The following ZNF90 variants were observed in gnomAD, a reference collection of about 807,000 sequenced individuals.
The protein encoded by ZNF90 is zinc finger protein 90, also known as zinc finger protein HTF9.
In ZNF90, 11 loss-of-function variants were observed where a neutral mutation model predicts 12.0. The observed-to-expected ratio is 0.92, with a 90% CI of 0.58 to 1.52. The LOEUF is 1.52. Ranked by LOEUF, ZNF90 falls within the 40% of genes most tolerant of loss-of-function variation. The pLI, the probability that ZNF90 is intolerant of heterozygous loss-of-function variation, is 0.00. For synonymous variants in ZNF90, 232 were observed against 240.1 expected, an observed-to-expected ratio of 0.97 and a Z score of 0.31; for missense variants, 765 against 711.5, an observed-to-expected ratio of 1.08 and a Z score of -0.86.
chr19:20,119,316 A>T lies in ZNF90; in HGVS notation c.1762A>T (p.Ile588Phe). 6.2e-7 allele frequency: 1 copy of T among 1,607,150 alleles called. No individual in the cohort carries two copies. The highest frequency in any genetic ancestry group is 1.1e-5 in the South Asian group (1 of 90,310). The change falls in exon 4 of 4, where the codon ATT becomes TTT. Residue 588 changes from isoleucine to phenylalanine, a missense_variant. Ile to Phe is a conservative substitution (Grantham distance 21). Transcript: ENST00000418063. Reference protein sequence around the residue: ...SDLNTHKRIHIGQKAYIVKNM... With the variant: ...SDLNTHKRIHFGQKAYIVKNM... ...CCTTAATACACATAAGAGGATTCAT[A>T]TTGGACAGAAAGCCTACATAGTGAA... is the stretch of plus-strand genomic sequence containing the variant.
chr19:20,118,175 C>A lies in ZNF90; in HGVS notation c.621C>A (p.Gly207=). 6.2e-7 allele frequency: 1 copy of A among 1,612,904 alleles called. No individual in the cohort carries two copies. The highest frequency in any genetic ancestry group is 8.5e-7 in the Non-Finnish European group (1 of 1,179,356). ...GEITCKCEEC[G]KAFNRSSHLT... is the part of the protein sequence containing the mutation. ...TAACCTGCAAATGTGAAGAATGTGGCAAAGCCTTCAACAGGTCCTCACACC... is the reference window on the plus strand; with the variant it reads ...TAACCTGCAAATGTGAAGAATGTGGAAAAGCCTTCAACAGGTCCTCACACC... The change falls in exon 4 of 4, where the codon GGC becomes GGA. Residue 207 remains glycine (G), a synonymous_variant. Transcript: ENST00000418063.
chr19:20,078,247 C>A, intron 1 of ZNF90, 112 bp downstream of exon 1: 3 of 1,402,278 alleles, frequency 2.1e-6, no homozygotes, highest in Non-Finnish European at 3.0e-6. Context: ...AATCTGCGAC[C>A]GACTTCTCCT....
Position 20,093,494 on chromosome 19 carries a change from G to A in ZNF90, c.4-10745G>A, listed in dbSNP as rs111569717. On this transcript the variant is annotated intron_variant, in intron 1 of 3. Coordinates refer to ENST00000418063, the MANE Select transcript of ZNF90 (RefSeq NM_007138.2). ...GTGGGGGGATATGAGAGGAAGATGC[G>A]AAGGAGGCTTTTGGTTGGGGAGAAG... Among the ~76,000 whole-genome samples the A allele has an allele frequency of 4.2e-3, 637 of 152,214 alleles. 6 individuals are homozygous for A. Among genetic ancestry groups the A allele is most frequent in the African/African-American group, 0.015 (608 of 41,534 alleles).
chr19:20,079,950 T>G (rs1323326932), intron 1 of ZNF90: 2 of 391,646 alleles, frequency 5.1e-6, no homozygotes, highest in Non-Finnish European at 9.8e-6. Context: ...TTTTTTTTTT[T>G]TTGAGATGAA....
At chr19:20,103,224 G>C (rs554879541) in intron 1 of ZNF90, among the ~76,000 whole-genome samples, 2 of 152,304 alleles carry the variant, frequency 1.3e-5, no homozygotes, top group Non-Finnish European at 1.5e-5. Context: ...TGTGGAGGTC[G>C]AAAGGACAGG....
chr19:20,081,719 T>A (rs1462153481), intron 1 of ZNF90, among the ~76,000 whole-genome samples: 1 of 152,146 alleles, frequency 6.6e-6, no homozygotes, highest in Non-Finnish European at 1.5e-5. Context: ...TTCATCTACA[T>A]TGCAGTCTTT....
In ZNF90 at chr19:20,118,763, C is replaced by T; in HGVS notation, c.1209C>T (p.Gly403=). The T allele has an allele frequency of 6.2e-7, 1 of 1,608,368 alleles. No individual in the cohort carries two copies. Among genetic ancestry groups the T allele is most frequent in the Non-Finnish European group, 8.5e-7 (1 of 1,177,272 alleles). The change falls in exon 4 of 4, where the codon GGC becomes GGT. Residue 403 remains glycine (G), a synonymous_variant. Coordinates refer to ENST00000418063, the MANE Select transcript of ZNF90 (RefSeq NM_007138.2). Reference sequence around the variant, plus strand: ...AACCCTACAAATGTGAAGAATGTGGCAAAGCCTTCAAGCGCTCCTCAACAC... The same window carrying T: ...AACCCTACAAATGTGAAGAATGTGGTAAAGCCTTCAAGCGCTCCTCAACAC... ...EKKPYKCEEC[G]KAFKRSSTLT...
intron 1 of ZNF90, among the ~76,000 whole-genome samples, chr19:20,085,907 C>T (rs1555701981): frequency 6.6e-6 from 1 of 151,682 alleles, no homozygotes; most frequent in Non-Finnish European, 1.5e-5. Context: ...CATTTTTAGT[C>T]CTTTAGACAG....
At chr19:20,095,525 G>A (rs1555703159) in intron 1 of ZNF90, among the ~76,000 whole-genome samples, 2 of 152,004 alleles carry the variant, frequency 1.3e-5, no homozygotes. Flanking sequence ...ACGGAGGGAA[G>A]GGGTTCGGAG....
chr19:20,084,731 C>T (rs533407520), intron 1 of ZNF90, among the ~76,000 whole-genome samples: 1 of 152,284 alleles, frequency 6.6e-6, no homozygotes, highest in East Asian at 1.9e-4. Context: ...TTTAATTTCT[C>T]TAATGATTAG....
intron 1 of ZNF90, among the ~76,000 whole-genome samples, chr19:20,084,842 G>T (rs566997305): frequency 3.3e-5 from 5 of 152,148 alleles, no homozygotes; most frequent in African/African-American, 9.6e-5. Context: ...AGGTTGTTCG[G>T]TTTTTTCTTG....
At chr19:20,116,834 T>C (rs1488072475) in intron 3 of ZNF90, among the ~76,000 whole-genome samples, 1 of 152,140 alleles carries the variant, frequency 6.6e-6, no homozygotes, top group Non-Finnish European at 1.5e-5. Context: ...TCTCTAACAT[T>C]TATCTTTAGA....
chr19:20,107,032 A>G (rs2089045507), intron 3 of ZNF90: 1 of 454,130 alleles, frequency 2.2e-6, no homozygotes, highest in African/African-American at 2.0e-5. Flanking sequence ...TGGGCCTTGT[A>G]TCAGGATGTG....
chr19:20,119,375 C>T lies in ZNF90; in HGVS notation c.*15C>T, dbSNP rs1267991823. ...CAAATCTTTGAAATATTCCTCAACC[C>T]TTAATAAACATAAGATAATTCATAC... On this transcript the variant is annotated 3_prime_UTR_variant, in exon 4 of 4. Coordinates refer to ENST00000418063, the MANE Select transcript of ZNF90 (RefSeq NM_007138.2). 6.4e-7 allele frequency: 1 copy of T among 1,552,214 alleles called. No individual in the cohort carries two copies. The highest frequency in any genetic ancestry group is 8.7e-7 in the Non-Finnish European group (1 of 1,148,006).
chr19:20,089,695 A>G (rs148998450), intron 1 of ZNF90, among the ~76,000 whole-genome samples: 2,260 of 152,232 alleles, frequency 0.015, 51 homozygotes, highest in African/African-American at 0.052. Flanking sequence ...TGTCTGGGGA[A>G]GTCTTGCTGG....
intron 1 of ZNF90, chr19:20,087,026 C>T (rs1179493378): frequency 1.3e-5 from 2 of 152,168 alleles, no homozygotes; most frequent in East Asian, 3.8e-4. Context: ...AAAAGTGTTG[C>T]TTGAAGTTGT....
chr19:20,108,346 C>G (rs1322992766), intron 3 of ZNF90, among the ~76,000 whole-genome samples: 3 of 152,188 alleles, frequency 2.0e-5, no homozygotes, highest in Non-Finnish European at 4.4e-5. Context: ...GTTACTCTCT[C>G]TCACCCAGGT....
rs1297582554 is a variant in ZNF90 at position 20,080,145 on chromosome 19, TGCAAGAATTGCAGGTCA to T, written c.3+2022_3+2038del. 8.4e-5 allele frequency: 35 copies of T among 415,826 alleles called. 1 individual carries two copies. Among genetic ancestry groups the T allele is most frequent in the South Asian group, 6.5e-4 (33 of 51,104 alleles). 25.8% of individuals were successfully genotyped at this position (415,826 alleles called of 1,614,324 possible). A position where few individuals can be genotyped will look rare whatever the true frequency, so the allele number is the denominator to read the frequency against. On this transcript the variant is annotated intron_variant, in intron 1 of 3. Coordinates refer to ENST00000418063, the MANE Select transcript of ZNF90 (RefSeq NM_007138.2). ...AGACAGAGTTTCTCCATGTTGAGGC[TGCAAGAATTGCAGGTCA>T]GCAAGAATTGCTGCCCAGGGGCAGC...
chr19:20,081,400 G>T (rs916629162), intron 1 of ZNF90, among the ~76,000 whole-genome samples: 2 of 152,078 alleles, frequency 1.3e-5, no homozygotes, highest in Middle Eastern at 6.8e-3. Flanking sequence ...TGTTGGCCAC[G>T]CTGGTCTCAA....
Sources: allele counts gnomAD v4.1 joint callset (sites outside exome capture counted in the v4.1 genomes callset), GRCh38; gene constraint gnomAD v4.1.1; transcripts MANE v1.5; gene names NCBI Gene and HGNC (gene_info 2026-07-23, HGNC 2026-07-21).